E2F6: variants seen among roughly 807,000 people sequenced by gnomAD.
E2F6 encodes the protein E2F transcription factor 6.
E2F6 carries 19 observed loss-of-function variants against 31.5 expected under a neutral mutation model. The observed-to-expected ratio is 0.60, with a 90% CI of 0.42 to 0.89. The LOEUF (loss-of-function observed/expected upper bound fraction) is 0.89, where lower values mean the gene tolerates loss of function less well. Among genes scored for constraint, E2F6 ranks in the 40% least tolerant of loss-of-function variants. E2F6 has a pLI of 0.00. For synonymous variants in E2F6, 121 were observed against 127.7 expected (o/e 0.95, Z 0.36); for missense variants, 269 against 341.6 (o/e 0.79, Z 1.67).
chr2:11,456,596 A>C (rs1273088553), intron 2 of E2F6, among the ~76,000 whole-genome samples: 3 of 152,200 alleles, frequency 2.0e-5, no homozygotes, highest in Admixed American at 2.0e-4. Context: ...AGTGCCAGGC[A>C]CTGTATGAGC....
chr2:11,455,175 G>A (rs1671330459), intron 2 of E2F6, among the ~76,000 whole-genome samples: 1 of 152,172 alleles, frequency 6.6e-6, no homozygotes, highest in South Asian at 2.1e-4. Flanking sequence ...TAAGTATCTT[G>A]TCATCTTTTC....
intron 1 of E2F6, among the ~76,000 whole-genome samples, chr2:11,460,537 G>C (rs114801810): frequency 6.6e-6 from 1 of 152,166 alleles, no homozygotes; most frequent in Non-Finnish European, 1.5e-5. Context: ...TCTCCAGCTT[G>C]CAGCCAGCCT....
intron 2 of E2F6, 124 bp downstream of exon 2, chr2:11,457,055 A>G: frequency 2.6e-6 from 2 of 765,696 alleles, no homozygotes; most frequent in South Asian, 1.6e-5. Context: ...GCAACTTTAC[A>G]TTTCAGTGTA....
intron 1 of E2F6, chr2:11,458,355 T>C: frequency 1.9e-6 from 3 of 1,551,418 alleles, no homozygotes; most frequent in Non-Finnish European, 2.6e-6. Flanking sequence ...TAAACAACTG[T>C]GGGGAGAGAA....
At chr2:11,449,727 T>C (rs979574026) in intron 5 of E2F6, among the ~76,000 whole-genome samples, 2 of 152,292 alleles carry the variant, frequency 1.3e-5, no homozygotes, top group Admixed American at 6.5e-5. Flanking sequence ...TGCAGTACAA[T>C]AGTGAAAAGC....
intron 1 of E2F6, among the ~76,000 whole-genome samples, chr2:11,462,187 G>A (rs1275952477): frequency 2.6e-5 from 4 of 152,126 alleles, no homozygotes; most frequent in South Asian, 2.1e-4. Context: ...TCTCTCTGGA[G>A]AGCCCTGACC....
chr2:11,453,063 G>A (rs1671170959), intron 3 of E2F6, among the ~76,000 whole-genome samples: 1 of 152,060 alleles, frequency 6.6e-6, no homozygotes. Context: ...ATTCTCATGT[G>A]TGCACACACA....
intron 1 of E2F6, among the ~76,000 whole-genome samples, chr2:11,461,308 A>G (rs1671765257): frequency 6.6e-6 from 1 of 152,144 alleles, no homozygotes; most frequent in Non-Finnish European, 1.5e-5. Context: ...TCACTTTAAC[A>G]GTAGATGCTC....
At chr2:11,459,240 T>A (rs529706147) in intron 1 of E2F6, among the ~76,000 whole-genome samples, 48 of 152,198 alleles carry the variant, frequency 3.2e-4, no homozygotes, top group African/African-American at 1.1e-3. Flanking sequence ...ACTTACACAC[T>A]CTACTTACTG....
Position 11,444,986 on chromosome 2 carries a change from A to G in E2F6, c.*1491T>C, listed in dbSNP as rs1199462358. 6.6e-6 allele frequency: 1 copy of G among 152,180 alleles called. No individual in the cohort carries two copies. The highest frequency in any genetic ancestry group is 2.4e-5 in the African/African-American group (1 of 41,432). 9.4% of individuals were successfully genotyped at this position (152,180 alleles called of 1,614,324 possible). A position where few individuals can be genotyped will look rare whatever the true frequency, so the allele number is the denominator to read the frequency against. On this transcript the variant is annotated 3_prime_UTR_variant, in exon 7 of 7. Transcript: ENST00000381525. ...CATTGAGGCTAACCGCTGGGGGAGGAGCACACTTCATCCCCAGGTGCACAG... is the reference window on the plus strand; with the variant it reads ...CATTGAGGCTAACCGCTGGGGGAGGGGCACACTTCATCCCCAGGTGCACAG...
At chr2:11,458,413 T>C (rs1004172642) in intron 1 of E2F6, 2 of 1,516,194 alleles carry the variant, frequency 1.3e-6, no homozygotes, top group African/African-American at 2.8e-5. Flanking sequence ...GGTGTGAAGA[T>C]GTATATGGCA....
intron 4 of E2F6, chr2:11,451,403 T>C (rs916717326): frequency 1.3e-5 from 3 of 228,394 alleles, no homozygotes; most frequent in Non-Finnish European, 2.5e-5. Context: ...CAGACTGGAG[T>C]GCAATGGCGC....
Position 11,446,384 on chromosome 2 carries a change from G to C in E2F6, c.*93C>G, listed in dbSNP as rs1054225226. ...CTACTGAGAACGAGAGCACTTCATG[G>C]ATAATTTATTGCTCTGAGAATCAAA... On this transcript the variant is annotated 3_prime_UTR_variant, in exon 7 of 7. Coordinates refer to ENST00000381525, the MANE Select transcript of E2F6 (RefSeq NM_198256.4). The C allele has an allele frequency of 1.0e-6, 1 of 960,304 alleles. No individual in the cohort carries two copies. Among genetic ancestry groups the C allele is most frequent in the African/African-American group, 1.6e-5 (1 of 61,686 alleles). 59.5% of individuals were successfully genotyped at this position (960,304 alleles called of 1,614,324 possible). A position where few individuals can be genotyped will look rare whatever the true frequency, so the allele number is the denominator to read the frequency against.
chr2:11,455,045 T>C (rs1031134748), intron 2 of E2F6, among the ~76,000 whole-genome samples: 1 of 152,198 alleles, frequency 6.6e-6, no homozygotes, highest in Non-Finnish European at 1.5e-5. Context: ...CTACTGTATG[T>C]CCCCTTAACT....
At chr2:11,451,854 AAAGT>A (rs1481051280) in intron 3 of E2F6, 48 bp from the exon 4 acceptor site, 3 of 1,550,820 alleles carry the variant, frequency 1.9e-6, no homozygotes, top group Non-Finnish European at 2.6e-6. Context: ...AGGAGATAAC[AAAGT>A]AATTTCAAGT....
intron 1 of E2F6, among the ~76,000 whole-genome samples, chr2:11,465,535 T>C (rs775747074): frequency 3.3e-5 from 5 of 152,210 alleles, no homozygotes; most frequent in Non-Finnish European, 7.3e-5. Flanking sequence ...TTGAGCAATT[T>C]TCTCCAACAG....
intron 1 of E2F6, among the ~76,000 whole-genome samples, chr2:11,460,904 C>T (rs187042728): frequency 6.6e-6 from 1 of 152,160 alleles, no homozygotes; most frequent in Non-Finnish European, 1.5e-5. Flanking sequence ...TTTTTCAGCT[C>T]CACTATAATC....
rs1276536101 is a variant in E2F6, at chr2:11,445,492, G to A, written c.*985C>T. On this transcript the variant is annotated 3_prime_UTR_variant, in exon 7 of 7. Transcript: ENST00000381525. ...CTAGGTATGTGAAAATGTGGGAGCA[G>A]AGCTGGAGAGAGGGCAAGGTACAAC... is the stretch of plus-strand genomic sequence containing the variant. 1 of 152,628 alleles carries A rather than the reference G, an allele frequency of 6.6e-6. No homozygotes were observed. Among genetic ancestry groups the A allele is most frequent in the Non-Finnish European group, 1.5e-5 (1 of 68,050 alleles). The allele number at this position is 152,628 out of a possible 1,614,324, so 9.5% of individuals were successfully genotyped here.
chr2:11,451,948 G>T, intron 3 of E2F6, 142 bp from the exon 4 acceptor site: 1 of 754,366 alleles, frequency 1.3e-6, no homozygotes, highest in South Asian at 1.7e-5. Context: ...AACTTCTGCC[G>T]TCTTTGTTCT....
Sources: gnomAD v4.1 joint callset for allele counts (sites outside exome capture counted in the v4.1 genomes callset) on GRCh38, gnomAD v4.1.1 for gene constraint, MANE v1.5 for transcripts, NCBI Gene and HGNC (gene_info 2026-07-23, HGNC 2026-07-21) for gene names.